KCNK10: variants seen among roughly 807,000 people sequenced by gnomAD.
KCNK10 encodes potassium channel subfamily K member 10.
A neutral mutation model predicts 47.7 loss-of-function variants in KCNK10; 25 were observed. The ratio of observed to expected loss-of-function variants is 0.52; its 90% CI spans 0.38 to 0.73. The LOEUF (loss-of-function observed/expected upper bound fraction) is 0.73. Among genes scored for constraint, KCNK10 ranks in the 30% least tolerant of loss-of-function variants. The probability of loss-of-function intolerance (pLI) is 0.00; values close to 1 mark genes in which losing one functional copy is unlikely to be tolerated. For synonymous variants in KCNK10, 303 were observed against 285.6 expected, an observed-to-expected ratio of 1.06 and a Z score of -0.61; for missense variants, 563 against 714.5, an observed-to-expected ratio of 0.79 and a Z score of 2.42.
intron 3 of KCNK10, among the ~76,000 whole-genome samples, chr14:88,233,211 C>A (rs188465633): frequency 4.6e-5 from 7 of 152,316 alleles, no homozygotes; most frequent in Admixed American, 1.3e-4. Context: ...CTGGGTAGCA[C>A]CATCCAGAGC....
chr14:88,192,561 C>G (rs189858678), intron 4 of KCNK10, 151 bp from the exon 5 acceptor site: 84 of 668,190 alleles, frequency 1.3e-4, no homozygotes, highest in Non-Finnish European at 1.9e-4. Flanking sequence ...GCTGTGAACT[C>G]TTTCCTAGAA....
intron 1 of KCNK10, among the ~76,000 whole-genome samples, chr14:88,273,498 C>T (rs1184574458): frequency 1.3e-5 from 2 of 152,218 alleles, no homozygotes. Context: ...AGGTGGGATG[C>T]CTTTATTGTT....
chr14:88,188,508 C>A (rs1263535869), intron 5 of KCNK10, among the ~76,000 whole-genome samples: 1 of 152,162 alleles, frequency 6.6e-6, no homozygotes, highest in Non-Finnish European at 1.5e-5. Context: ...ATAATCATAT[C>A]ACCCCCTATG....
chr14:88,257,391 C>T (rs1886987183), intron 2 of KCNK10, among the ~76,000 whole-genome samples: 2 of 152,262 alleles, frequency 1.3e-5, no homozygotes, highest in Admixed American at 1.3e-4. Flanking sequence ...TCAGTTCAAG[C>T]CATTCTGATC....
chr14:88,325,032 G>A (rs1393928898), upstream of KCNK10, among the ~76,000 whole-genome samples: 1 of 152,180 alleles, frequency 6.6e-6, no homozygotes, highest in Admixed American at 6.5e-5. Context: ...GGGTGCTTCA[G>A]AACCATCTTC....
At chr14:88,233,306 C>A (rs971284486) in intron 3 of KCNK10, among the ~76,000 whole-genome samples, 1 of 152,168 alleles carries the variant, frequency 6.6e-6, no homozygotes, top group Non-Finnish European at 1.5e-5. Context: ...GGCAGAACAA[C>A]CCAAGGGGAA....
At chr14:88,190,103 A>G (rs1377364771) in intron 5 of KCNK10, among the ~76,000 whole-genome samples, 1 of 152,228 alleles carries the variant, frequency 6.6e-6, no homozygotes, top group African/African-American at 2.4e-5. Context: ...GTTTGTACTA[A>G]GTGCTCAGTC....
chr14:88,270,232 C>T (rs1887369952), intron 1 of KCNK10, among the ~76,000 whole-genome samples: 2 of 152,152 alleles, frequency 1.3e-5, no homozygotes, highest in Non-Finnish European at 2.9e-5. Flanking sequence ...CTTCAGGCCG[C>T]TGGGGAGGGA....
chr14:88,326,647 A>G (rs1888669820), upstream of KCNK10: 1 of 590,716 alleles, frequency 1.7e-6, no homozygotes, highest in African/African-American at 1.9e-5. Context: ...GCTGGCGGCC[A>G]CTGCGTCCTG....
intron 1 of KCNK10, among the ~76,000 whole-genome samples, chr14:88,304,603 G>C (rs1436766126): frequency 1.3e-5 from 2 of 152,224 alleles, no homozygotes; most frequent in Non-Finnish European, 2.9e-5. Context: ...CGCTCATGCT[G>C]TAAGCTAGTG....
At chr14:88,223,047 A>G (rs1885868784) in intron 4 of KCNK10, among the ~76,000 whole-genome samples, 1 of 151,996 alleles carries the variant, frequency 6.6e-6, no homozygotes, top group Non-Finnish European at 1.5e-5. Flanking sequence ...AACTCTGACA[A>G]ACAGAGTCAG....
At chr14:88,261,340 T>A (rs751505275) in intron 2 of KCNK10, among the ~76,000 whole-genome samples, 4 of 152,232 alleles carry the variant, frequency 2.6e-5, no homozygotes, top group African/African-American at 9.6e-5. Flanking sequence ...GTAATTATAC[T>A]CCTACTTAAA....
At chr14:88,223,685 T>C (rs1013568683) in intron 4 of KCNK10, among the ~76,000 whole-genome samples, 11 of 152,210 alleles carry the variant, frequency 7.2e-5, no homozygotes, top group Non-Finnish European at 1.6e-4. Flanking sequence ...TTTGCATCCC[T>C]CTTGGGTCTG....
intron 1 of KCNK10, among the ~76,000 whole-genome samples, chr14:88,311,173 T>C (rs1373525020): frequency 1.3e-5 from 2 of 152,216 alleles, no homozygotes; most frequent in Non-Finnish European, 2.9e-5. Context: ...AATACACAGA[T>C]ACCCCAGGTA....
At chr14:88,246,014 T>C (rs1174519707) in intron 2 of KCNK10, among the ~76,000 whole-genome samples, 10 of 152,178 alleles carry the variant, frequency 6.6e-5, no homozygotes, top group Admixed American at 6.5e-4. Context: ...ATTGGAGATT[T>C]AGCCAGGGAT....
chr14:88,260,279 C>T lies in KCNK10; in HGVS notation c.402+2923G>A, dbSNP rs1195146159. Among the ~76,000 whole-genome samples the T allele has an allele frequency of 6.6e-6, 1 of 152,096 alleles. No homozygotes were observed. The highest frequency in any genetic ancestry group is 2.4e-5 in the African/African-American group (1 of 41,408). On this transcript the variant is annotated intron_variant, in intron 2 of 6. Coordinates refer to ENST00000319231, the MANE Select transcript of KCNK10 (RefSeq NM_138317.3). The surrounding 1 kb of genome is among the most constrained non-coding windows in gnomAD (Gnocchi z 4.5). ...GTTTAAAAGTGTGTAGCATCCCTCC[C>T]TTTGCTCTCTCTTCCTCCTGCTCCA...
intron 1 of KCNK10, chr14:88,270,752 C>T (rs373648441): frequency 1.3e-6 from 1 of 780,980 alleles, no homozygotes; most frequent in African/African-American, 1.7e-5. Flanking sequence ...ATCACTGCGA[C>T]AGCCTTCAGT....
upstream of KCNK10, among the ~76,000 whole-genome samples, chr14:88,323,489 G>C (rs958343024): frequency 5.4e-5 from 8 of 148,914 alleles, no homozygotes; most frequent in African/African-American, 9.8e-5. Context: ...GCAGCGGACC[G>C]AGGCTCCCAG....
intron 1 of KCNK10, among the ~76,000 whole-genome samples, chr14:88,280,623 G>A (rs749599523): frequency 5.9e-5 from 9 of 152,102 alleles, no homozygotes; most frequent in South Asian, 2.1e-4. Flanking sequence ...TCACCTCCCC[G>A]AATGATAGTA....
Sources: gnomAD v4.1 joint callset for allele counts (sites outside exome capture counted in the v4.1 genomes callset) on GRCh38, gnomAD v4.1.1 for gene constraint, Gnocchi (gnomAD v3.1) non-coding constraint, MANE v1.5 for transcripts, NCBI Gene and HGNC (gene_info 2026-07-23, HGNC 2026-07-21) for gene names.